The following CST5 variants were observed in gnomAD, a reference collection of about 807,000 sequenced individuals.
The protein encoded by CST5 is cystatin-D.
In CST5, 13 loss-of-function variants were observed where a neutral mutation model predicts 11.5. The observed-to-expected ratio is 1.13, with a 90% CI of 0.73 to 1.79. The LOEUF is 1.79. Among genes scored for constraint, CST5 ranks in the 40% most tolerant of loss-of-function variants. The pLI is 0.00. For synonymous variants in CST5, 81 were observed against 67.6 expected (o/e 1.20, Z -0.97); for missense variants, 219 against 174.5 (o/e 1.25, Z -1.44).
chr20:23,879,682 A>G lies in CST5; in HGVS notation c.-6T>C, dbSNP rs368047434. On this transcript the variant is annotated 5_prime_UTR_variant, in exon 1 of 3. Coordinates refer to ENST00000304710, the MANE Select transcript of CST5 (RefSeq NM_001900.5). Reference sequence around the variant, plus strand: ...GTGTGCATGGGCCACATCATGTTCTACTGGGACACAGAGCAAGGAGCTGGA... The same window carrying G: ...GTGTGCATGGGCCACATCATGTTCTGCTGGGACACAGAGCAAGGAGCTGGA... The G allele has an allele frequency of 1.2e-6, 2 of 1,610,400 alleles. No homozygotes were observed. Among genetic ancestry groups the G allele is most frequent in the Admixed American group, 1.7e-5 (1 of 59,886 alleles).
intron 1 of CST5, among the ~76,000 whole-genome samples, chr20:23,877,949 G>A (rs886351333): frequency 6.6e-6 from 1 of 152,218 alleles, no homozygotes; most frequent in Non-Finnish European, 1.5e-5. Context: ...GAACCAGCCA[G>A]GGTGGGACAA....
At chr20:23,877,979 G>T (rs893422985) in intron 1 of CST5, among the ~76,000 whole-genome samples, 14 of 152,176 alleles carry the variant, frequency 9.2e-5, no homozygotes, top group Non-Finnish European at 1.6e-4. Flanking sequence ...CCTGGCACCA[G>T]GCTTGCAGGG....
At position 23,879,390 on chromosome 20, in the gene CST5, G is replaced by T. The variant is rs527311434; in HGVS notation, c.231+56C>A. 6.0e-6 allele frequency: 8 copies of T among 1,325,286 alleles called. No homozygotes were observed. The Admixed American group carries it at 8.4e-5, about 14-fold the overall frequency. 82.1% of individuals were successfully genotyped at this position (1,325,286 alleles called of 1,614,324 possible). The stretch of plus-strand genomic sequence containing the variant: ...TGATTTGCTGGGAGTGCTCTGGGGG[G>T]TGAGGCAAAAAACCCAGCTGGGACT... On this transcript the variant is annotated intron_variant, in intron 1 of 2. Coordinates refer to ENST00000304710, the MANE Select transcript of CST5 (RefSeq NM_001900.5).
At chr20:23,876,543 C>T (rs1220724953) in intron 2 of CST5, among the ~76,000 whole-genome samples, 1 of 152,200 alleles carries the variant, frequency 6.6e-6, no homozygotes, top group African/African-American at 2.4e-5. Flanking sequence ...TGAGGAGCAG[C>T]CTGTGCAAGG....
At chr20:23,877,109 A>G (rs941609567) in intron 2 of CST5, among the ~76,000 whole-genome samples, 2 of 152,168 alleles carry the variant, frequency 1.3e-5, no homozygotes, top group African/African-American at 4.8e-5. Context: ...GAATATATGC[A>G]TGAACCCACA....
intron 1 of CST5, among the ~76,000 whole-genome samples, chr20:23,877,968 T>C (rs1002075101): frequency 5.3e-5 from 8 of 152,282 alleles, no homozygotes; most frequent in South Asian, 4.1e-4. Context: ...AAAGAAACAG[T>C]CCTGGCACCA....
At chr20:23,878,461 C>A (rs1328903063) in intron 1 of CST5, among the ~76,000 whole-genome samples, 4 of 152,140 alleles carry the variant, frequency 2.6e-5, no homozygotes, top group Non-Finnish European at 5.9e-5. Flanking sequence ...CCTGTGGAAC[C>A]ACACACAAGT....
chr20:23,876,321 C>T, intron 2 of CST5, 50 bp from the exon 3 acceptor site: 1 of 1,439,312 alleles, frequency 6.9e-7, no homozygotes. Flanking sequence ...CAGTTAAAGC[C>T]AAAGATGCCC....
intron 2 of CST5, 22 bp downstream of exon 2, chr20:23,877,483 C>G: frequency 6.3e-7 from 1 of 1,591,596 alleles, no homozygotes. Flanking sequence ...CTTGATGCCC[C>G]TGACCCACAT....
chr20:23,879,233 G>A (rs1267483814), intron 1 of CST5, among the ~76,000 whole-genome samples: 1 of 152,196 alleles, frequency 6.6e-6, no homozygotes, highest in Non-Finnish European at 1.5e-5. Context: ...AGTGGCTGCT[G>A]CAGGTTAAAA....
In CST5 at chr20:23,879,440, A is replaced by T. The variant is rs200826094; in HGVS notation, c.231+6T>A. The stretch of plus-strand genomic sequence containing the variant: ...TCAGGACCCCCAGGGTGGTGGTAGC[A>T]CGCACCTGCTGGTAGGCAGCCATCA... On this transcript the variant is annotated splice_donor_region_variant and intron_variant, in intron 1 of 2. Transcript: ENST00000304710. The T allele has an allele frequency of 1.9e-6, 3 of 1,611,710 alleles. No individual in the cohort carries two copies. Among genetic ancestry groups the T allele is most frequent in the East Asian group, 2.2e-5 (1 of 44,858 alleles).
chr20:23,876,778 G>A (rs1985970933), intron 2 of CST5, among the ~76,000 whole-genome samples: 2 of 152,214 alleles, frequency 1.3e-5, no homozygotes, highest in Admixed American at 1.3e-4. Flanking sequence ...AGAGGCTGAT[G>A]TTGGGTGAGC....
chr20:23,877,756 CCTT>C (rs1985996590), intron 1 of CST5, 138 bp from the exon 2 acceptor site: 1 of 673,048 alleles, frequency 1.5e-6, no homozygotes, highest in African/African-American at 1.8e-5. Flanking sequence ...ACACAAGCCA[CCTT>C]CTCCTGCTGG....
intron 2 of CST5, among the ~76,000 whole-genome samples, chr20:23,877,087 C>G (rs1423634340): frequency 6.6e-6 from 1 of 152,114 alleles, no homozygotes; most frequent in Non-Finnish European, 1.5e-5. Context: ...TCACAGCAAC[C>G]CTCACCCAAA....
intron 1 of CST5, 50 bp downstream of exon 1, chr20:23,879,396 C>CA (rs1986033963): frequency 6.7e-7 from 1 of 1,481,952 alleles, no homozygotes; most frequent in East Asian, 2.3e-5. Flanking sequence ...GGGGGTGAGG[C>CA]AAAAAACCCA....
intron 1 of CST5, among the ~76,000 whole-genome samples, chr20:23,879,115 T>C (rs1266047588): frequency 6.6e-6 from 1 of 152,108 alleles, no homozygotes; most frequent in East Asian, 1.9e-4. Flanking sequence ...AAGATGAACC[T>C]CGTGGCCTGG....
intron 2 of CST5, among the ~76,000 whole-genome samples, chr20:23,876,807 T>C (rs1600456373): frequency 6.6e-6 from 1 of 152,292 alleles, no homozygotes; most frequent in Admixed American, 6.5e-5. Context: ...GTCCAGGGCT[T>C]CTCAGCTAAC....
In CST5 at chr20:23,879,506, C is replaced by T. The variant is rs1568570162; in HGVS notation, c.171G>A (p.Lys57=). Residue 57 remains lysine (K), a synonymous_variant, in exon 1 of 3, where the codon AAG becomes AAA. Coordinates refer to ENST00000304710, the MANE Select transcript of CST5 (RefSeq NM_001900.5). The part of the protein sequence containing the change: ...ALDFAISEYN[K]VINKDEYYSR... Reference sequence around the variant, plus strand: ...TGTAGTACTCATCCTTATTAATGACCTTGTTGTACTCGCTGATGGCAAAGT... The same window carrying T: ...TGTAGTACTCATCCTTATTAATGACTTTGTTGTACTCGCTGATGGCAAAGT... 1 of 1,614,014 alleles carries T rather than the reference C, an allele frequency of 6.2e-7. No individual in the cohort carries two copies. Among genetic ancestry groups the T allele is most frequent in the Non-Finnish European group, 8.5e-7 (1 of 1,179,976 alleles).
At position 23,877,487 on chromosome 20, in the gene CST5, C is replaced by T. The variant is rs1339204861; in HGVS notation, c.345+18G>A. 6.3e-7 allele frequency: 1 copy of T among 1,590,334 alleles called. No individual in the cohort carries two copies. Among genetic ancestry groups the T allele is most frequent in the Admixed American group, 1.7e-5 (1 of 59,974 alleles). ...GCTCTGCGGTACTTGATGCCCCTGA[C>T]CCACATCAGGCACATACCTCTTTCA... On this transcript the variant is annotated intron_variant, in intron 2 of 2. Transcript: ENST00000304710.
Sources: allele counts gnomAD v4.1 joint callset (sites outside exome capture counted in the v4.1 genomes callset), GRCh38; gene constraint gnomAD v4.1.1; transcripts MANE v1.5; gene names NCBI Gene and HGNC (gene_info 2026-07-23, HGNC 2026-07-21).